CTXN2: variants seen among roughly 807,000 people sequenced by gnomAD.
The protein encoded by CTXN2 is cortexin-2.
A neutral mutation model predicts 5.7 loss-of-function variants in CTXN2; 3 were observed. The observed-to-expected ratio is 0.53, with a 90% CI of 0.24 to 1.36. CTXN2 has a LOEUF of 1.36. Ranked by LOEUF, CTXN2 falls within the 40% of genes most tolerant of loss-of-function variation. The probability of loss-of-function intolerance (pLI) is 0.17; values close to 1 mark genes in which losing one functional copy is unlikely to be tolerated. For synonymous variants in CTXN2, 38 were observed against 36.4 expected (o/e 1.04, Z -0.16); for missense variants, 87 against 93.0 (o/e 0.94, Z 0.26).
rs1233733735 is a variant in CTXN2 at position 48,202,986 on chromosome 15, A to G, written c.*1440A>G. 6.0e-6 allele frequency: 1 copy of G among 166,666 alleles called. No homozygotes were observed. Among genetic ancestry groups the G allele is most frequent in the East Asian group, 1.9e-4 (1 of 5,202 alleles). The allele number at this position is 166,666 out of a possible 1,614,324, so 10.3% of individuals were successfully genotyped here. A position where few individuals can be genotyped will look rare whatever the true frequency, so the allele number is the denominator to read the frequency against. On this transcript the variant is annotated 3_prime_UTR_variant, in exon 2 of 2. Coordinates refer to ENST00000417307, the MANE Select transcript of CTXN2 (RefSeq NM_001145668.2). ...TATTACCAAGAGGTAGCACTAAGTTAGTTACTTTCAATTTATTTGATACTC... is the reference window on the plus strand; with the variant it reads ...TATTACCAAGAGGTAGCACTAAGTTGGTTACTTTCAATTTATTTGATACTC...
intron 1 of CTXN2, among the ~76,000 whole-genome samples, chr15:48,184,635 C>G (rs2040730729): frequency 6.6e-6 from 1 of 152,076 alleles, no homozygotes; most frequent in South Asian, 2.1e-4. Flanking sequence ...ATCCAAAACA[C>G]TGACAACACT....
Position 48,201,842 on chromosome 15 carries a change from G to A in CTXN2, c.*296G>A, listed in dbSNP as rs2040932013. 1.9e-5 allele frequency: 7 copies of A among 365,390 alleles called. No homozygotes were observed. The South Asian group carries it at 2.1e-4, about 11-fold the overall frequency. 22.6% of individuals were successfully genotyped at this position (365,390 alleles called of 1,614,324 possible). On this transcript the variant is annotated 3_prime_UTR_variant, in exon 2 of 2. Transcript: ENST00000417307. Reference sequence around the variant, plus strand: ...CTTGAATTTCTGCTTCCTTTCTTGTGCTAATAAACTGTGCCAAAGGCATCT... The same window carrying A: ...CTTGAATTTCTGCTTCCTTTCTTGTACTAATAAACTGTGCCAAAGGCATCT...
intron 1 of CTXN2, among the ~76,000 whole-genome samples, chr15:48,195,808 A>C (rs1366872782): frequency 6.6e-6 from 1 of 152,132 alleles, no homozygotes; most frequent in Admixed American, 6.6e-5. Flanking sequence ...ATAAAATAAA[A>C]TATGTAAAGC....
chr15:48,202,953 A>T lies in CTXN2; in HGVS notation c.*1407A>T, dbSNP rs909654427. ...ACTGCAAAACATACCATGAAGGAAC[A>T]AGACTAATATTACCAAGAGGTAGCA... is the stretch of plus-strand genomic sequence containing the variant. On this transcript the variant is annotated 3_prime_UTR_variant, in exon 2 of 2. Coordinates refer to ENST00000417307, the MANE Select transcript of CTXN2 (RefSeq NM_001145668.2). 3 of 166,200 alleles carry T rather than the reference A, an allele frequency of 1.8e-5. No individual in the cohort carries two copies. Among genetic ancestry groups the T allele is most frequent in the Non-Finnish European group, 4.4e-5 (3 of 68,122 alleles). 10.3% of individuals were successfully genotyped at this position (166,200 alleles called of 1,614,324 possible). A position where few individuals can be genotyped will look rare whatever the true frequency, so the allele number is the denominator to read the frequency against.
At chr15:48,186,578 A>G (rs2040757738) in intron 1 of CTXN2, among the ~76,000 whole-genome samples, 1 of 152,232 alleles carries the variant, frequency 6.6e-6, no homozygotes, top group East Asian at 1.9e-4. Context: ...AGGGGAAAAA[A>G]ATAGAAAACT....
upstream of CTXN2, among the ~76,000 whole-genome samples, chr15:48,186,849 G>A (rs1349091326): frequency 2.7e-5 from 4 of 150,138 alleles, no homozygotes; most frequent in Non-Finnish European, 5.9e-5. Flanking sequence ...GGCAGAGGTT[G>A]CAGTGAGCAG....
chr15:48,193,539 C>A (rs2040846127), intron 1 of CTXN2, among the ~76,000 whole-genome samples: 1 of 150,604 alleles, frequency 6.6e-6, no homozygotes, highest in African/African-American at 2.4e-5. Flanking sequence ...TCTCAGATTT[C>A]TTTTTTTTTC....
chr15:48,193,590 G>C (rs984228404), intron 1 of CTXN2, among the ~76,000 whole-genome samples: 32 of 151,528 alleles, frequency 2.1e-4, no homozygotes, highest in African/African-American at 7.3e-4. Flanking sequence ...TGCTTCTCTG[G>C]AGCTAGGCAT....
intron 1 of CTXN2, among the ~76,000 whole-genome samples, chr15:48,199,744 G>T (rs2040912700): frequency 6.6e-6 from 1 of 152,128 alleles, no homozygotes; most frequent in African/African-American, 2.4e-5. Context: ...TCTTCAGGAA[G>T]ATCATTCTCA....
intron 1 of CTXN2, among the ~76,000 whole-genome samples, chr15:48,198,518 G>A (rs1387120012): frequency 1.3e-5 from 2 of 151,940 alleles, no homozygotes; most frequent in Admixed American, 6.6e-5. Flanking sequence ...ATCATCTAAG[G>A]CTCTAGGAAC....
chr15:48,185,054 A>C (rs775847672), intron 1 of CTXN2, among the ~76,000 whole-genome samples: 9 of 152,186 alleles, frequency 5.9e-5, no homozygotes, highest in African/African-American at 1.2e-4. Context: ...TTGAAAGGGC[A>C]ACAGAGTCTG....
intron 1 of CTXN2, among the ~76,000 whole-genome samples, chr15:48,180,685 G>A (rs1421376167): frequency 2.0e-5 from 3 of 152,112 alleles, no homozygotes; most frequent in African/African-American, 7.2e-5. Context: ...CTAATTTTTT[G>A]TATTTTTAGT....
chr15:48,196,312 C>G (rs902139523), intron 1 of CTXN2, among the ~76,000 whole-genome samples: 1 of 152,088 alleles, frequency 6.6e-6, no homozygotes, highest in African/African-American at 2.4e-5. Flanking sequence ...ACCCAGAATT[C>G]TAGGCATCAG....
chr15:48,180,985 T>C (rs1297299149), intron 1 of CTXN2, among the ~76,000 whole-genome samples: 1 of 152,206 alleles, frequency 6.6e-6, no homozygotes, highest in Non-Finnish European at 1.5e-5. Flanking sequence ...GTTTTCTTTC[T>C]TACAAATTAG....
intron 1 of CTXN2, among the ~76,000 whole-genome samples, chr15:48,194,314 T>G (rs1382060430): frequency 1.3e-5 from 2 of 152,096 alleles, no homozygotes; most frequent in East Asian, 3.8e-4. Flanking sequence ...ATGTCTTCAT[T>G]ATTGAAAGTG....
chr15:48,195,371 G>A (rs1055654609), intron 1 of CTXN2, among the ~76,000 whole-genome samples: 24 of 151,852 alleles, frequency 1.6e-4, no homozygotes, highest in Admixed American at 1.1e-3. Flanking sequence ...TTTCTTTCCC[G>A]TGATGCTCTC....
At chr15:48,182,423 G>T (rs1406942613) in intron 1 of CTXN2, among the ~76,000 whole-genome samples, 1 of 152,090 alleles carries the variant, frequency 6.6e-6, no homozygotes, top group Non-Finnish European at 1.5e-5. Flanking sequence ...TCCAAAAATT[G>T]TACCGTATTA....
chr15:48,200,966 G>T (rs545171500), intron 1 of CTXN2, among the ~76,000 whole-genome samples: 23 of 152,266 alleles, frequency 1.5e-4, no homozygotes, highest in Non-Finnish European at 2.2e-4. Flanking sequence ...TGAATCAAAA[G>T]ATTTTAGGGC....
At chr15:48,180,428 T>A (rs539050994) in intron 1 of CTXN2, among the ~76,000 whole-genome samples, 6 of 152,334 alleles carry the variant, frequency 3.9e-5, no homozygotes, top group African/African-American at 4.8e-5. Flanking sequence ...TTGCAAAAGA[T>A]AAAGAAAAAA....
Sources: gnomAD v4.1 joint callset for allele counts (sites outside exome capture counted in the v4.1 genomes callset) on GRCh38, gnomAD v4.1.1 for gene constraint, MANE v1.5 for transcripts, NCBI Gene and HGNC (gene_info 2026-07-23, HGNC 2026-07-21) for gene names.